TMC2: variants seen among roughly 807,000 people sequenced by gnomAD.
TMC2 encodes transmembrane channel-like protein 2.
TMC2 carries 102 observed loss-of-function variants against 105.9 expected under a neutral mutation model. The observed-to-expected ratio is 0.96, with a 90% CI of 0.82 to 1.14. The LOEUF is 1.14. Ranked by LOEUF, TMC2 falls within the 50% of genes most tolerant of loss-of-function variation. The pLI is 0.00. For missense variants in TMC2, 1,093 were observed against 1,134.3 expected (o/e 0.96, Z 0.52); for synonymous variants, 402 against 422.8 (o/e 0.95, Z 0.60).
chr20:2,567,525 T>C (rs1600104388), intron 4 of TMC2, among the ~76,000 whole-genome samples: 1 of 152,174 alleles, frequency 6.6e-6, no homozygotes, highest in African/African-American at 2.4e-5. Flanking sequence ...ATGACAGAGA[T>C]GTTAGAATTG....
intron 2 of TMC2, among the ~76,000 whole-genome samples, chr20:2,548,242 G>A (rs1370210479): frequency 6.6e-6 from 1 of 152,018 alleles, no homozygotes; most frequent in East Asian, 1.9e-4. Context: ...GTGTTAACAG[G>A]CCCAAACATA....
At chr20:2,549,500 T>G (rs1416949479) in intron 2 of TMC2, among the ~76,000 whole-genome samples, 2 of 152,186 alleles carry the variant, frequency 1.3e-5, no homozygotes, top group African/African-American at 4.8e-5. Context: ...CCCAGCACTT[T>G]GGGAGGCCAA....
chr20:2,552,354 G>C (rs1030666286), intron 2 of TMC2, among the ~76,000 whole-genome samples: 1 of 152,144 alleles, frequency 6.6e-6, no homozygotes, highest in African/African-American at 2.4e-5. Context: ...TATAGACAAA[G>C]CTGGGAAGAA....
intron 2 of TMC2, among the ~76,000 whole-genome samples, chr20:2,553,430 G>T (rs1464237085): frequency 6.6e-6 from 1 of 152,036 alleles, no homozygotes; most frequent in Non-Finnish European, 1.5e-5. Context: ...TGCATACCTG[G>T]ACTAAATCCC....
intron 7 of TMC2, among the ~76,000 whole-genome samples, chr20:2,580,903 T>C (rs187365039): frequency 1.5e-3 from 221 of 152,346 alleles, no homozygotes; most frequent in South Asian, 3.7e-3. Context: ...TAGGGTCTTT[T>C]CCAAGGAGCC....
intron 11 of TMC2, among the ~76,000 whole-genome samples, chr20:2,605,746 C>T (rs1363490517): frequency 6.6e-6 from 1 of 152,166 alleles, no homozygotes; most frequent in Non-Finnish European, 1.5e-5. Context: ...CCTAAATAGA[C>T]CTCACCACCC....
rs1555774377 is a variant in TMC2 at position 2,589,270 on chromosome 20, C to CTTTGTG, written c.835-3039_835-3038insTTGTGT. Among the ~76,000 whole-genome samples, 736 of 116,350 alleles carry CTTTGTG rather than the reference C, an allele frequency of 6.3e-3. 17 individuals carry two copies. The highest frequency in any genetic ancestry group is 0.027 in the African/African-American group (686 of 25,822). The allele number at this position is 116,350 out of a possible 152,430, so 76.3% of individuals were successfully genotyped here. A position where few individuals can be genotyped will look rare whatever the true frequency, so the allele number is the denominator to read the frequency against. ...TTTTCCAGATATCTTCCTATTTGCC[C>CTTTGTG]TGTGTGTGTGTGTGTGTGTGTGTGT... On this transcript the variant is annotated intron_variant, in intron 7 of 19. Transcript: ENST00000358864.
chr20:2,556,882 C>G (rs1220487194), intron 2 of TMC2, among the ~76,000 whole-genome samples: 1 of 145,436 alleles, frequency 6.9e-6, no homozygotes, highest in African/African-American at 2.5e-5. Flanking sequence ...TTTTTTTTTC[C>G]GTCAGCACTT....
chr20:2,570,140 AG>A (rs1337862498), intron 4 of TMC2, among the ~76,000 whole-genome samples: 1 of 152,160 alleles, frequency 6.6e-6, no homozygotes, highest in Non-Finnish European at 1.5e-5. Flanking sequence ...CAGAGCAATC[AG>A]GCAAGAGGAG....
chr20:2,545,745 G>A (rs2085919218), intron 2 of TMC2, among the ~76,000 whole-genome samples: 3 of 150,422 alleles, frequency 2.0e-5, no homozygotes, highest in Admixed American at 1.3e-4. Flanking sequence ...AGATGAAGAT[G>A]AAGGAAGAAG....
rs2086278991 is a variant in TMC2 at position 2,592,841 on chromosome 20, T to A, written c.933+433T>A. ...ACCCACATCTCTTTTTCCCAGCTCC[T>A]TTATTGGAATCACCATTCATCCAAT... On this transcript the variant is annotated intron_variant, in intron 8 of 19. Coordinates refer to ENST00000358864, the MANE Select transcript of TMC2 (RefSeq NM_080751.3). The surrounding 1 kb of genome is among the most constrained non-coding windows in gnomAD (Gnocchi z 4.9). Among the ~76,000 whole-genome samples, 2 of 152,200 alleles carry A rather than the reference T, an allele frequency of 1.3e-5. No individual in the cohort carries two copies. The highest frequency in any genetic ancestry group is 2.9e-5 in the Non-Finnish European group (2 of 68,024).
intron 16 of TMC2, among the ~76,000 whole-genome samples, chr20:2,623,713 G>A (rs2086543437): frequency 6.6e-6 from 1 of 152,156 alleles, no homozygotes; most frequent in Non-Finnish European, 1.5e-5. Flanking sequence ...ATTTGTAGAA[G>A]TAAATCTGCA....
chr20:2,634,695 C>A (rs1193744722), intron 17 of TMC2, among the ~76,000 whole-genome samples: 1 of 152,246 alleles, frequency 6.6e-6, no homozygotes, highest in East Asian at 1.9e-4. Context: ...AGACAAGTTA[C>A]CTCTCTGGCC....
intron 7 of TMC2, among the ~76,000 whole-genome samples, chr20:2,589,134 T>C (rs982536713): frequency 5.9e-5 from 9 of 152,188 alleles, no homozygotes; most frequent in African/African-American, 1.9e-4. Context: ...TGAGCAATTA[T>C]TGAGTTTTAC....
At chr20:2,538,568 G>C (rs1294342895) in intron 2 of TMC2, among the ~76,000 whole-genome samples, 1 of 152,146 alleles carries the variant, frequency 6.6e-6, no homozygotes, top group Non-Finnish European at 1.5e-5. Flanking sequence ...TCCGCACCCA[G>C]CCTGGCCTCC....
At chr20:2,599,287 G>A (rs1208705261) in intron 10 of TMC2, among the ~76,000 whole-genome samples, 2 of 116,826 alleles carry the variant, frequency 1.7e-5, no homozygotes, top group African/African-American at 6.1e-5. Flanking sequence ...GAATGAATGG[G>A]ATAATGTTAA....
chr20:2,618,647 T>C (rs911183308), intron 16 of TMC2, among the ~76,000 whole-genome samples: 1 of 152,062 alleles, frequency 6.6e-6, no homozygotes, highest in African/African-American at 2.4e-5. Context: ...AAAAGACAAA[T>C]AATTATGTAA....
At chr20:2,574,669 C>T (rs923798811) in intron 5 of TMC2, among the ~76,000 whole-genome samples, 87 of 152,096 alleles carry the variant, frequency 5.7e-4, no homozygotes, top group African/African-American at 1.9e-3. Context: ...AACAGAAAGT[C>T]GCATATGGTA....
At chr20:2,606,880 A>ATT (rs2086396336) in intron 11 of TMC2, among the ~76,000 whole-genome samples, 1 of 88,016 alleles carries the variant, frequency 1.1e-5, no homozygotes, top group African/African-American at 5.9e-5. Flanking sequence ...TTTTCCCTTA[A>ATT]TTTCTTTTTT....
Sources: gnomAD v4.1 joint callset for allele counts (sites outside exome capture counted in the v4.1 genomes callset) on GRCh38, gnomAD v4.1.1 for gene constraint, Gnocchi (gnomAD v3.1) non-coding constraint, MANE v1.5 for transcripts, NCBI Gene and HGNC (gene_info 2026-07-23, HGNC 2026-07-21) for gene names.